Variants in PHF21B observed in about 807,000 individuals in gnomAD.
PHF21B encodes PHD finger protein 4.
A neutral mutation model predicts 62.2 loss-of-function variants in PHF21B; 22 were observed. The ratio of observed to expected loss-of-function variants is 0.35; its 90% CI spans 0.25 to 0.51. PHF21B has a LOEUF of 0.51. PHF21B is among the 20% of genes least tolerant of loss of function. The probability of loss-of-function intolerance (pLI) is 0.97; values close to 1 mark genes in which losing one functional copy is unlikely to be tolerated. For missense variants in PHF21B, 701 were observed against 707.9 expected (o/e 0.99, Z 0.11); for synonymous variants, 341 against 314.7 (o/e 1.08, Z -0.88).
At chr22:44,897,566 C>T (rs1244340411) in intron 5 of PHF21B, among the ~76,000 whole-genome samples, 2 of 152,026 alleles carry the variant, frequency 1.3e-5, no homozygotes, top group Non-Finnish European at 2.9e-5. Context: ...AGTAGGTGCT[C>T]GTGAGTATTT....
At chr22:44,895,882 C>T in intron 6 of PHF21B, 150 bp downstream of exon 6, 1 of 856,764 alleles carries the variant, frequency 1.2e-6, no homozygotes, top group Non-Finnish European at 2.0e-6. Context: ...GCCGGGACAT[C>T]CTGAGACCCA....
intron 2 of PHF21B, among the ~76,000 whole-genome samples, chr22:44,921,716 T>C (rs1034423139): frequency 1.1e-4 from 16 of 151,678 alleles, no homozygotes; most frequent in African/African-American, 3.9e-4. Flanking sequence ...TGGAATGTAG[T>C]GGCGTGATCT....
At chr22:44,948,092 A>G (rs1195427614) in intron 2 of PHF21B, among the ~76,000 whole-genome samples, 1 of 145,592 alleles carries the variant, frequency 6.9e-6, no homozygotes, top group Non-Finnish European at 1.5e-5. Context: ...TTTTTGGCAC[A>G]GAGACCAGCT....
intron 2 of PHF21B, among the ~76,000 whole-genome samples, chr22:44,925,885 C>A (rs1393020713): frequency 6.6e-6 from 1 of 152,212 alleles, no homozygotes; most frequent in Admixed American, 6.5e-5. Flanking sequence ...CCAGCCAGTG[C>A]CATTTATGCA....
chr22:44,927,351 G>A (rs1418390110), intron 2 of PHF21B, among the ~76,000 whole-genome samples: 1 of 152,158 alleles, frequency 6.6e-6, no homozygotes, highest in African/African-American at 2.4e-5. Context: ...AGCTCTTCAG[G>A]GAGCAAATAT....
At chr22:44,978,714 T>C (rs2072783153) in intron 2 of PHF21B, among the ~76,000 whole-genome samples, 1 of 152,238 alleles carries the variant, frequency 6.6e-6, no homozygotes, top group Admixed American at 6.5e-5. Context: ...CTCCCAATTG[T>C]AGAATGACCG....
rs543902750 is a variant in PHF21B, at chr22:44,950,330, G to A, written c.121-29840C>T. ...CAATTGTGCCTCAATACCCTCTGTC[G>A]TTTCATCAATTCATCTAGTTATGGT... is the stretch of plus-strand genomic sequence containing the variant. On this transcript the variant is annotated intron_variant, in intron 2 of 12. Transcript: ENST00000313237. Among the ~76,000 whole-genome samples the A allele has an allele frequency of 7.2e-5, 11 of 152,320 alleles. 1 individual carries two copies. The South Asian group carries it at 1.5e-3, about 20-fold the overall frequency.
chr22:44,891,650 C>T (rs1219908605), intron 7 of PHF21B, among the ~76,000 whole-genome samples: 2 of 152,232 alleles, frequency 1.3e-5, no homozygotes, highest in Admixed American at 6.5e-5. Flanking sequence ...CAGGAAGGGC[C>T]GTCAGTGGGA....
intron 5 of PHF21B, among the ~76,000 whole-genome samples, chr22:44,912,035 A>C (rs2071352550): frequency 6.6e-6 from 1 of 152,190 alleles, no homozygotes; most frequent in African/African-American, 2.4e-5. Context: ...ATAATTTTGG[A>C]GCTTTAAGGT....
intron 2 of PHF21B, among the ~76,000 whole-genome samples, chr22:44,923,018 A>C (rs941408668): frequency 1.3e-5 from 2 of 152,196 alleles, no homozygotes; most frequent in Non-Finnish European, 2.9e-5. Context: ...AGAATAGCCA[A>C]AACTATGAAA....
At chr22:44,935,661 C>T (rs1401140158) in intron 2 of PHF21B, among the ~76,000 whole-genome samples, 2 of 152,118 alleles carry the variant, frequency 1.3e-5, no homozygotes, top group East Asian at 3.9e-4. Flanking sequence ...ATGGCTCACA[C>T]CTGGCACCTT....
chr22:44,920,459 G>A lies in PHF21B; in HGVS notation c.152C>T (p.Thr51Met), dbSNP rs866396808. 1.1e-5 allele frequency: 17 copies of A among 1,613,008 alleles called. No homozygotes were observed. Among genetic ancestry groups the A allele is most frequent in the East Asian group, 4.5e-5 (2 of 44,858 alleles). Residue 51 changes from threonine (T) to methionine (M), a missense_variant, in exon 3 of 13, where the codon ACG becomes ATG. Coordinates refer to ENST00000313237, the MANE Select transcript of PHF21B (RefSeq NM_138415.5). ...ALGTITAVPV[T>M]GPQVSSLQRL... ...CTGCAAGGAGCTGACCTGAGGACCC[G>A]TGACAGGCACTGCAGTGATCGTTCC...
chr22:44,885,943 G>A lies in PHF21B; in HGVS notation c.1198-5C>T. On this transcript the variant is annotated splice_region_variant and splice_polypyrimidine_tract_variant and intron_variant, in intron 10 of 12. Transcript: ENST00000313237. ...ACCCTCGTCTTTCTTTAAGGCCTGG[G>A]GAGCAGACGGGGAGATGAAAAAGTG... The A allele has an allele frequency of 6.2e-7, 1 of 1,613,810 alleles. No homozygotes were observed. Among genetic ancestry groups the A allele is most frequent in the Non-Finnish European group, 8.5e-7 (1 of 1,179,888 alleles).
At chr22:44,924,262 A>G (rs571862265) in intron 2 of PHF21B, among the ~76,000 whole-genome samples, 2 of 152,382 alleles carry the variant, frequency 1.3e-5, no homozygotes, top group South Asian at 4.1e-4. Flanking sequence ...GGCTAAAATT[A>G]AAAAGACTGA....
At chr22:44,947,189 C>T (rs919860137) in intron 2 of PHF21B, among the ~76,000 whole-genome samples, 3 of 152,174 alleles carry the variant, frequency 2.0e-5, no homozygotes, top group East Asian at 3.9e-4. Context: ...GCAAGATCCC[C>T]GCCCCCACCC....
At chr22:44,905,652 G>A (rs956768628) in intron 5 of PHF21B, among the ~76,000 whole-genome samples, 9 of 151,386 alleles carry the variant, frequency 5.9e-5, no homozygotes, top group African/African-American at 1.9e-4. Context: ...TTTTTGATAC[G>A]GAATCTCGCT....
At chr22:44,915,199 A>C (rs1316581052) in intron 4 of PHF21B, among the ~76,000 whole-genome samples, 3 of 152,212 alleles carry the variant, frequency 2.0e-5, no homozygotes, top group African/African-American at 7.2e-5. Context: ...TTTTATATCC[A>C]TGGGAAGAAA....
chr22:44,961,643 C>A (rs2072422992), intron 2 of PHF21B, among the ~76,000 whole-genome samples: 2 of 152,014 alleles, frequency 1.3e-5, no homozygotes, highest in South Asian at 4.2e-4. Context: ...GAGTTCAAGA[C>A]CAGCCTGGTC....
At chr22:44,954,106 G>T (rs2072247255) in intron 2 of PHF21B, among the ~76,000 whole-genome samples, 1 of 152,220 alleles carries the variant, frequency 6.6e-6, no homozygotes, top group South Asian at 2.1e-4. Flanking sequence ...GGGAAGGAAA[G>T]CTACCAGCTG....
Sources: gnomAD v4.1 joint callset for allele counts (sites outside exome capture counted in the v4.1 genomes callset) on GRCh38, gnomAD v4.1.1 for gene constraint, MANE v1.5 for transcripts, NCBI Gene and HGNC (gene_info 2026-07-23, HGNC 2026-07-21) for gene names.